Variants in GIMAP6 observed in about 807,000 individuals in gnomAD.
The protein encoded by GIMAP6 is GTPase IMAP family member 6.
Under a neutral mutation model 9.3 loss-of-function variants are expected in GIMAP6, and 6 were observed. The ratio of observed to expected loss-of-function variants is 0.65; its 90% confidence interval spans 0.35 to 1.27. The LOEUF is 1.27. Among genes scored for constraint, GIMAP6 ranks in the 50% most tolerant of loss-of-function variants. The probability of loss-of-function intolerance (pLI) is 0.03; values close to 1 mark genes in which losing one functional copy is unlikely to be tolerated. For synonymous variants in GIMAP6, 156 were observed against 151.1 expected (o/e 1.03, Z -0.24); for missense variants, 333 against 359.5 (o/e 0.93, Z 0.60).
intron 2 of GIMAP6, among the ~76,000 whole-genome samples, chr7:150,629,169 G>A (rs1297413447): frequency 6.6e-6 from 1 of 152,240 alleles, no homozygotes; most frequent in Non-Finnish European, 1.5e-5. Flanking sequence ...CAGAGCCAGA[G>A]GAGACAGGAA....
Position 150,628,478 on chromosome 7 carries a change from T to A in GIMAP6, c.120A>T (p.Arg40Ser). The A allele has an allele frequency of 6.2e-7, 1 of 1,614,106 alleles. No individual in the cohort carries two copies. ...LREKEQKTPR[R>S]LRLILMGKTG... ...TTTTCCCCATGAGAATGAGCCTCAG[T>A]CTCCTTGGGGTCTTCTGTTCTTTCT... The change falls in exon 3 of 3, where the codon AGA (arginine) becomes AGT (serine). Residue 40 changes from arginine (R) to serine (S), a missense_variant. By Grantham distance (110) the Arg-to-Ser change is moderately radical (BLOSUM62 -1). Transcript: ENST00000328902.
intron 2 of GIMAP6, among the ~76,000 whole-genome samples, chr7:150,629,731 C>T (rs17542143): frequency 0.18 from 27,835 of 152,112 alleles, 2,989 homozygotes; most frequent in Admixed American, 0.25. Context: ...CACTTATTTT[C>T]GTCACACGCA....
chr7:150,628,607 G>A, intron 2 of GIMAP6, 95 bp from the exon 3 acceptor site: 1 of 1,593,468 alleles, frequency 6.3e-7, no homozygotes, highest in East Asian at 2.2e-5. Context: ...CCCCCAGACT[G>A]CAGGGGCAGA....
At chr7:150,631,085 A>T (rs1294142642) in intron 1 of GIMAP6, among the ~76,000 whole-genome samples, 1 of 152,168 alleles carries the variant, frequency 6.6e-6, no homozygotes. Flanking sequence ...GACATTCACA[A>T]CCAGATGAAA....
Position 150,627,996 on chromosome 7 carries a change from T to C in GIMAP6, c.602A>G (p.Asn201Ser), listed in dbSNP as rs929906785. 1 of 1,614,150 alleles carries C rather than the reference T, an allele frequency of 6.2e-7. No homozygotes were observed. Among genetic ancestry groups the C allele is most frequent in the Non-Finnish European group, 8.5e-7 (1 of 1,180,048 alleles). ...CTCCTGCTCCTCCCCCTGTGCCCTGTTGTTGAAGCCGCAATGGCGCCGTGC... is the reference window on the plus strand; with the variant it reads ...CTCCTGCTCCTCCCCCTGTGCCCTGCTGTTGAAGCCGCAATGGCGCCGTGC... ...TLARRHCGFN[N>S]RAQGEEQEAQ... is the part of the protein sequence containing the mutation. The change falls in exon 3 of 3, where the codon AAC becomes AGC. Residue 201 changes from asparagine (N) to serine (S), a missense_variant. By Grantham distance (46) the Asn-to-Ser change is conservative (BLOSUM62 1). Coordinates refer to ENST00000328902, the MANE Select transcript of GIMAP6 (RefSeq NM_024711.6).
rs765166762 is a variant in GIMAP6 at position 150,627,638 on chromosome 7, T to C, written c.*81A>G. 1.9e-6 allele frequency: 3 copies of C among 1,558,858 alleles called. No individual in the cohort carries two copies. The highest frequency in any genetic ancestry group is 2.2e-5 in the East Asian group (1 of 44,646). The stretch of plus-strand genomic sequence containing the variant: ...GACCTGGAGACTGGGAAGCACTCCA[T>C]GGGATGGAAAGAGAAACAGAGGGCT... On this transcript the variant is annotated 3_prime_UTR_variant, in exon 3 of 3. Transcript: ENST00000328902.
At position 150,632,014 on chromosome 7, in the gene GIMAP6, C is replaced by T. The variant is rs542755877; in HGVS notation, c.-1+155G>A. ...CAAATATACATACACAACACACACA[C>T]AACACTCACATACACACACAACACA... On this transcript the variant is annotated intron_variant, in intron 1 of 2. Coordinates refer to ENST00000328902, the MANE Select transcript of GIMAP6 (RefSeq NM_024711.6). Among the ~76,000 whole-genome samples the T allele has an allele frequency of 2.0e-5, 3 of 152,006 alleles. No individual in the cohort carries two copies. In the South Asian group the frequency reaches 6.2e-4, roughly 32 times the overall value.
rs1796278179 is a variant in GIMAP6, at chr7:150,625,496, A to AAT, written c.*2221_*2222dup. 2 of 152,228 alleles carry AAT rather than the reference A, an allele frequency of 1.3e-5. No individual in the cohort carries two copies. The highest frequency in any genetic ancestry group is 4.8e-5 in the African/African-American group (2 of 41,450). 9.4% of individuals were successfully genotyped at this position (152,228 alleles called of 1,614,324 possible). A position where few individuals can be genotyped will look rare whatever the true frequency, so the allele number is the denominator to read the frequency against. Reference sequence around the variant, plus strand: ...TTTCTATTATGACATTACTTAAGCTAATAGAGTTAAAATAATAGCATCAAA... The same window carrying AAT: ...TTTCTATTATGACATTACTTAAGCTAATATAGAGTTAAAATAATAGCATCAAA... On this transcript the variant is annotated 3_prime_UTR_variant, in exon 3 of 3. Coordinates refer to ENST00000328902, the MANE Select transcript of GIMAP6 (RefSeq NM_024711.6).
At chr7:150,630,891 T>C (rs1220799681) in intron 1 of GIMAP6, among the ~76,000 whole-genome samples, 1 of 152,212 alleles carries the variant, frequency 6.6e-6, no homozygotes, top group Non-Finnish European at 1.5e-5. Context: ...TTTTTGCAAA[T>C]TAGGGCCACA....
At position 150,626,393 on chromosome 7, in the gene GIMAP6, A is replaced by G. The variant is rs1796292475; in HGVS notation, c.*1326T>C. 6.6e-6 allele frequency: 1 copy of G among 152,220 alleles called. No individual in the cohort carries two copies. Among genetic ancestry groups the G allele is most frequent in the Non-Finnish European group, 1.5e-5 (1 of 68,046 alleles). The allele number at this position is 152,220 out of a possible 1,614,324, so 9.4% of individuals were successfully genotyped here. A position where few individuals can be genotyped will look rare whatever the true frequency, so the allele number is the denominator to read the frequency against. On this transcript the variant is annotated 3_prime_UTR_variant, in exon 3 of 3. Transcript: ENST00000328902. ...CCCAATGCCTCCTATTATCTTCCCA[A>G]ATGTCGGTCAACTCCCCAGGAGCAT...
At position 150,626,036 on chromosome 7, in the gene GIMAP6, T is replaced by A. The variant is rs896202469; in HGVS notation, c.*1683A>T. 6.6e-6 allele frequency: 1 copy of A among 152,232 alleles called. No individual in the cohort carries two copies. The highest frequency in any genetic ancestry group is 2.4e-5 in the African/African-American group (1 of 41,468). 9.4% of individuals were successfully genotyped at this position (152,232 alleles called of 1,614,324 possible). ...CTGTCTTCAGCAAACACCAAATAAC[T>A]CTGTGCTCTGCTTTGAGACACTTTT... On this transcript the variant is annotated 3_prime_UTR_variant, in exon 3 of 3. Transcript: ENST00000328902.
chr7:150,628,710 G>A (rs1465531257), intron 2 of GIMAP6, 198 bp from the exon 3 acceptor site: 5 of 1,508,454 alleles, frequency 3.3e-6, no homozygotes, highest in Admixed American at 4.8e-5. Context: ...CTCTCCCAGT[G>A]CAAGAGCAGA....
rs777134307 is a variant in GIMAP6, at chr7:150,627,994, T to A, written c.604A>T (p.Arg202Trp). ...LARRHCGFNN[R>W]AQGEEQEAQL... ...GCCTCCTGCTCCTCCCCCTGTGCCCTGTTGTTGAAGCCGCAATGGCGCCGT... is the reference window on the plus strand; with the variant it reads ...GCCTCCTGCTCCTCCCCCTGTGCCCAGTTGTTGAAGCCGCAATGGCGCCGT... Residue 202 changes from arginine to tryptophan, a missense_variant, in exon 3 of 3, where the codon AGG becomes TGG. Transcript: ENST00000328902. 6.2e-7 allele frequency: 1 copy of A among 1,614,140 alleles called. No homozygotes were observed. Among genetic ancestry groups the A allele is most frequent in the African/African-American group, 1.3e-5 (1 of 74,954 alleles).
intron 1 of GIMAP6, among the ~76,000 whole-genome samples, chr7:150,630,818 T>A (rs1344259007): frequency 1.3e-5 from 2 of 152,264 alleles, no homozygotes; most frequent in East Asian, 3.8e-4. Context: ...TGCCTGTGAA[T>A]GTCTCTTCCC....
At chr7:150,628,698 T>G in intron 2 of GIMAP6, 186 bp from the exon 3 acceptor site, 1 of 1,531,222 alleles carries the variant, frequency 6.5e-7, no homozygotes, top group Non-Finnish European at 8.7e-7. Context: ...GGGCTGAACG[T>G]TCTCTCCCAG....
At position 150,627,720 on chromosome 7, in the gene GIMAP6, C is replaced by G. The variant is rs762985842; in HGVS notation, c.878G>C (p.Ter293SerextTer101). ...HRCLLGKADL* is the reference protein window; with the variant it reads ...HRCLLGKADLS ...CCTTGGCTCAAGTCCAGCACAGGCT[C>G]AAAGGTCAGCCTTCCCCAGCAGGCA... Residue 293 changes from the stop codon to serine (S), a stop_lost, in exon 3 of 3, where the codon TGA (stop) becomes TCA (serine). Coordinates refer to ENST00000328902, the MANE Select transcript of GIMAP6 (RefSeq NM_024711.6). 5.0e-6 allele frequency: 8 copies of G among 1,612,802 alleles called. No homozygotes were observed. The highest frequency in any genetic ancestry group is 6.8e-6 in the Non-Finnish European group (8 of 1,179,370).
At chr7:150,630,263 T>C (rs766616587) in intron 1 of GIMAP6, 121 bp from the exon 2 acceptor site, 1 of 684,880 alleles carries the variant, frequency 1.5e-6, no homozygotes, top group Non-Finnish European at 2.4e-6. Context: ...TAGTTTAGGG[T>C]TGGGGTGGGA....
Position 150,630,073 on chromosome 7 carries a change from G to A in GIMAP6, c.70C>T (p.Leu24=). The A allele has an allele frequency of 6.3e-7, 1 of 1,588,240 alleles. No individual in the cohort carries two copies. The highest frequency in any genetic ancestry group is 8.5e-7 in the Non-Finnish European group (1 of 1,170,728). The part of the protein sequence containing the change: ...PPEELSQDPV[L]ELSGGLREKE... ...TTCATTTTACCTCCTGACAGCTCCA[G>A]CACAGGATCCTGGGACAGCTCTTCT... The change falls in exon 2 of 3, where the codon CTG becomes TTG. Residue 24 remains leucine, a synonymous_variant. Transcript: ENST00000328902.
chr7:150,630,150 A>C lies in GIMAP6; in HGVS notation c.1-8T>G. The C allele has an allele frequency of 9.2e-7, 1 of 1,090,600 alleles. No homozygotes were observed. Among genetic ancestry groups the C allele is most frequent in the Admixed American group, 2.9e-5 (1 of 34,728 alleles). The allele number at this position is 1,090,600 out of a possible 1,614,324, so 67.6% of individuals were successfully genotyped here. On this transcript the variant is annotated splice_region_variant and splice_polypyrimidine_tract_variant and intron_variant, in intron 1 of 2. Transcript: ENST00000328902. ...ATATTCTTCTTCCTCCATCTACAAA[A>C]AAAAAAAAAAAAAAAAAATCATATG... is the stretch of plus-strand genomic sequence containing the variant.
Sources: gnomAD v4.1 joint callset for allele counts (sites outside exome capture counted in the v4.1 genomes callset) on GRCh38, gnomAD v4.1.1 for gene constraint, MANE v1.5 for transcripts, NCBI Gene and HGNC (gene_info 2026-07-23, HGNC 2026-07-21) for gene names.